TXNL4A: variants seen among roughly 807,000 people sequenced by gnomAD.
TXNL4A encodes thioredoxin like 4A, also known as thioredoxin-like protein 4A.
TXNL4A carries 17 observed loss-of-function variants against 14.6 expected under a neutral mutation model. The ratio of observed to expected loss-of-function variants is 1.16; its 90% CI spans 0.80 to 1.74. The LOEUF (loss-of-function observed/expected upper bound fraction) is 1.74. Ranked by LOEUF, TXNL4A falls within the 40% of genes most tolerant of loss-of-function variation. TXNL4A has a pLI of 0.00. For missense variants in TXNL4A, 74 were observed against 195.2 expected (o/e 0.38, Z 3.70); for synonymous variants, 83 against 70.6 (o/e 1.18, Z -0.88).
chr18:79,977,960 C>T, intron 1 of TXNL4A: 1 of 443,892 alleles, frequency 2.3e-6, no homozygotes, highest in Non-Finnish European at 4.0e-6. Context: ...TGAGCCATCA[C>T]TCCTGGCCAA....
At chr18:80,005,384 A>G (rs960180190) in intron 1 of TXNL4A, among the ~76,000 whole-genome samples, 9 of 152,310 alleles carry the variant, frequency 5.9e-5, no homozygotes, top group Admixed American at 3.3e-4. Context: ...GAGTGTTTCA[A>G]TTGCTTATGC....
rs1883244587 is a variant in TXNL4A at position 80,011,189 on chromosome 18, A to G, written c.-61+22662T>C. ...CACTAATATAAAACATATAAGGAAA[A>G]GAGGTTTTCGTAGGGGAGCTAACCA... On this transcript the variant is annotated intron_variant, in intron 1 of 2. Coordinates refer to the TXNL4A transcript ENST00000585474. This position sits in a 1 kb window ranked among gnomAD's most constrained non-coding sequence, Gnocchi z 4.1. 6.6e-6 allele frequency among the ~76,000 whole-genome samples: 1 copy of G among 152,216 alleles called. No individual in the cohort carries two copies. Among genetic ancestry groups the G allele is most frequent in the South Asian group, 2.1e-4 (1 of 4,834 alleles).
chr18:80,020,431 C>T (rs757131625), intron 1 of TXNL4A, among the ~76,000 whole-genome samples: 28 of 152,182 alleles, frequency 1.8e-4, no homozygotes, highest in Admixed American at 2.6e-4. Context: ...AAACAGTTAA[C>T]TTATTCCTCA....
At chr18:80,030,565 T>A (rs1285835396) in intron 1 of TXNL4A, 1 of 152,226 alleles carries the variant, frequency 6.6e-6, no homozygotes, top group Non-Finnish European at 1.5e-5. Flanking sequence ...GTATCCTCCT[T>A]CCAAGGTCAG....
intron 1 of TXNL4A, among the ~76,000 whole-genome samples, chr18:80,033,202 T>C (rs1280494867): frequency 2.0e-5 from 3 of 152,114 alleles, no homozygotes; most frequent in Non-Finnish European, 2.9e-5. Context: ...CACACATATA[T>C]ACGCGCACGC....
At chr18:79,987,993 G>C (rs1371454254) in intron 1 of TXNL4A, among the ~76,000 whole-genome samples, 2 of 152,262 alleles carry the variant, frequency 1.3e-5, no homozygotes, top group African/African-American at 2.4e-5. Context: ...TAATTCATTT[G>C]AGAGGAGGGG....
rs750040525 is a variant in TXNL4A at position 79,973,657 on chromosome 18, ACATTTAT to A, written c.*21_*27del. On this transcript the variant is annotated 3_prime_UTR_variant, in exon 3 of 3. Coordinates refer to ENST00000269601, the MANE Select transcript of TXNL4A (RefSeq NM_006701.5). Reference sequence around the variant, plus strand: ...GTTTCCATACAAAAAGGGCTCCACGACATTTATCCGCGCAGACTGAGGGCGCCTCAGT... The same window carrying A: ...GTTTCCATACAAAAAGGGCTCCACGACCGCGCAGACTGAGGGCGCCTCAGT... The A allele has an allele frequency of 3.2e-6, 5 of 1,584,668 alleles. No individual in the cohort carries two copies. The highest frequency in any genetic ancestry group is 4.3e-6 in the Non-Finnish European group (5 of 1,167,164).
chr18:79,973,600 G>T lies in TXNL4A; in HGVS notation c.*85C>A, dbSNP rs2051333039. The T allele has an allele frequency of 6.7e-7, 1 of 1,503,346 alleles. No individual in the cohort carries two copies. Among genetic ancestry groups the T allele is most frequent in the East Asian group, 2.3e-5 (1 of 43,644 alleles). The allele number at this position is 1,503,346 out of a possible 1,614,324, so 93.1% of individuals were successfully genotyped here. On this transcript the variant is annotated 3_prime_UTR_variant, in exon 3 of 3. Transcript: ENST00000269601. ...AGGTGCTCCAGCCCTGGAGCTTCCT[G>T]TATTTTCCAAAGGCTTTAAATAGCT...
At position 79,973,717 on chromosome 18, in the gene TXNL4A, G is replaced by A; in HGVS notation, c.397C>T (p.Pro133Ser). The change falls in exon 3 of 3, where the codon CCC becomes TCC. Residue 133 changes from proline to serine, a missense_variant. This residue lies in a region of TXNL4A where 19 missense variants were observed against 60.6 expected (regional missense o/e 0.31). Coordinates refer to ENST00000269601, the MANE Select transcript of TXNL4A (RefSeq NM_006701.5). ...ARKGRGLVVS[P>S]KDYSTKYRY ...CGGTACTTGGTGGAGTAGTCCTTGGGGGACACCACCAGGCCGCGGCCTTTG... is the reference window on the plus strand; with the variant it reads ...CGGTACTTGGTGGAGTAGTCCTTGGAGGACACCACCAGGCCGCGGCCTTTG... The A allele has an allele frequency of 6.2e-7, 1 of 1,614,134 alleles. No individual in the cohort carries two copies. The highest frequency in any genetic ancestry group is 1.7e-5 in the Admixed American group (1 of 60,020).
chr18:79,971,844 G>A lies in TXNL4A; in HGVS notation c.*1841C>T, dbSNP rs1321312952. On this transcript the variant is annotated 3_prime_UTR_variant, in exon 3 of 3. Coordinates refer to ENST00000269601, the MANE Select transcript of TXNL4A (RefSeq NM_006701.5). Reference sequence around the variant, plus strand: ...CTGAGTGTCTCTTCGTGTGCTTCCTGGCCGTCTGTTTCACCTGCTCTGGAG... The same window carrying A: ...CTGAGTGTCTCTTCGTGTGCTTCCTAGCCGTCTGTTTCACCTGCTCTGGAG... 1 of 152,108 alleles carries A rather than the reference G, an allele frequency of 6.6e-6. No individual in the cohort carries two copies. The highest frequency in any genetic ancestry group is 1.5e-5 in the Non-Finnish European group (1 of 68,042). 9.4% of individuals were successfully genotyped at this position (152,108 alleles called of 1,614,324 possible).
At chr18:80,031,956 ATGT>A (rs1472050555) in intron 1 of TXNL4A, among the ~76,000 whole-genome samples, 2 of 152,182 alleles carry the variant, frequency 1.3e-5, no homozygotes, top group East Asian at 1.9e-4. Flanking sequence ...TTTGCTTATA[ATGT>A]TGTTGTGGTA....
chr18:80,019,740 G>C (rs1314610730), intron 1 of TXNL4A, among the ~76,000 whole-genome samples: 1 of 152,124 alleles, frequency 6.6e-6, no homozygotes, highest in Non-Finnish European at 1.5e-5. Flanking sequence ...AATATTTAAA[G>C]GTTTCCCAAG....
chr18:80,030,945 C>T (rs557077476), intron 1 of TXNL4A, among the ~76,000 whole-genome samples: 1 of 152,158 alleles, frequency 6.6e-6, no homozygotes, highest in Non-Finnish European at 1.5e-5. Context: ...CCAGCCTGGG[C>T]GATGGAGTGA....
At chr18:80,005,224 GGTT>G (rs2051721987) in intron 1 of TXNL4A, among the ~76,000 whole-genome samples, 1 of 152,238 alleles carries the variant, frequency 6.6e-6, no homozygotes, top group Non-Finnish European at 1.5e-5. Flanking sequence ...TGGACTCGAA[GGTT>G]GTTGAGCAGC....
intron 1 of TXNL4A, among the ~76,000 whole-genome samples, chr18:80,001,795 A>G (rs775931572): frequency 3.9e-5 from 6 of 152,230 alleles, no homozygotes; most frequent in East Asian, 1.9e-4. Flanking sequence ...GGAAGTAACT[A>G]ACTTACTTTT....
At position 79,975,096 on chromosome 18, in the gene TXNL4A, G is replaced by A. The variant is rs140776403; in HGVS notation, c.258-1240C>T. Among the ~76,000 whole-genome samples, 1,210 of 152,252 alleles carry A rather than the reference G, an allele frequency of 7.9e-3. 20 individuals carry two copies. The highest frequency in any genetic ancestry group is 0.027 in the African/African-American group (1,124 of 41,534). The stretch of plus-strand genomic sequence containing the variant: ...ACCAAGCTCCTTCTACAATGACTGG[G>A]GGCTGCCCGTAGCACCCTCCCTGCA... On this transcript the variant is annotated intron_variant, in intron 2 of 2. Transcript: ENST00000269601.
intron 2 of TXNL4A, 183 bp downstream of exon 2, chr18:79,977,415 T>C (rs2051395469): frequency 1.7e-6 from 1 of 573,038 alleles, no homozygotes; most frequent in South Asian, 2.5e-5. Flanking sequence ...ATGCTAAAAC[T>C]AGAATTGTTA....
chr18:80,019,582 C>A (rs2051835108), intron 1 of TXNL4A, among the ~76,000 whole-genome samples: 2 of 152,102 alleles, frequency 1.3e-5, no homozygotes, highest in Non-Finnish European at 2.9e-5. Context: ...GCATTTCTGC[C>A]CAGGGATAGC....
chr18:80,007,425 C>T (rs1451776748), intron 1 of TXNL4A, among the ~76,000 whole-genome samples: 4 of 152,152 alleles, frequency 2.6e-5, no homozygotes, highest in African/African-American at 7.2e-5. Context: ...CGGAGAGAAA[C>T]AGAACAGAGC....
Sources: allele counts gnomAD v4.1 joint callset (sites outside exome capture counted in the v4.1 genomes callset), GRCh38; gene constraint gnomAD v4.1.1; regional missense constraint gnomAD v4.1.1; non-coding constraint Gnocchi (gnomAD v3.1); transcripts MANE v1.5; gene names NCBI Gene and HGNC (gene_info 2026-07-23, HGNC 2026-07-21).